MYLK3: variants seen among roughly 807,000 people sequenced by gnomAD.
The protein encoded by MYLK3 is MLC kinase.
Under a neutral mutation model 76.3 loss-of-function variants are expected in MYLK3, and 55 were observed. That is an observed-to-expected ratio of 0.72 (90% CI 0.58 to 0.90). The LOEUF (loss-of-function observed/expected upper bound fraction) is 0.90, where lower values mean the gene tolerates loss of function less well. Ranked by LOEUF, MYLK3 falls within the 40% of genes least tolerant of loss-of-function variation. MYLK3 has a pLI of 0.00. For missense variants in MYLK3, 973 were observed against 1,053.6 expected, an observed-to-expected ratio of 0.92 and a Z score of 1.06; for synonymous variants, 416 against 425.4, an observed-to-expected ratio of 0.98 and a Z score of 0.27.
rs374009844 is a variant in MYLK3 at position 46,730,660 on chromosome 16, C to G, written c.1501G>C (p.Val501Leu). The G allele has an allele frequency of 3.1e-6, 5 of 1,613,956 alleles. No homozygotes were observed. The highest frequency in any genetic ancestry group is 4.2e-6 in the Non-Finnish European group (5 of 1,180,038). ...ATGGAGGTCTCCTTGACGCTCACTA[C>G]CCGGTGTTCAAAAGGAGCTGGTGGG... is the stretch of plus-strand genomic sequence containing the variant. ...PAPPAPFEHR[V>L]VSVKETSISA... The change falls in exon 5 of 13, where the codon GTA (valine) becomes CTA (leucine). Residue 501 changes from valine (V) to leucine (L), a missense_variant. This residue lies in a region of MYLK3 where 332 missense variants were observed against 416.6 expected (regional missense o/e 0.80). Coordinates refer to ENST00000394809, the MANE Select transcript of MYLK3 (RefSeq NM_182493.3).
chr16:46,718,243 G>A (rs756006911), intron 9 of MYLK3, among the ~76,000 whole-genome samples: 15 of 152,322 alleles, frequency 9.8e-5, no homozygotes, highest in African/African-American at 2.9e-4. Flanking sequence ...TGTATACAAC[G>A]TGCAAGCATG....
intron 5 of MYLK3, 31 bp from the exon 6 acceptor site, chr16:46,729,718 G>A (rs1433604357): frequency 6.3e-7 from 1 of 1,597,344 alleles, no homozygotes; most frequent in East Asian, 2.2e-5. Flanking sequence ...GGCAGGCTGA[G>A]AGCCCAGAGG....
At chr16:46,736,835 G>A (rs899686383) in intron 3 of MYLK3, among the ~76,000 whole-genome samples, 2 of 152,170 alleles carry the variant, frequency 1.3e-5, no homozygotes, top group African/African-American at 2.4e-5. Context: ...GGGCCACAGC[G>A]CCCTTCAGCA....
chr16:46,714,137 A>G (rs894317453), intron 9 of MYLK3, among the ~76,000 whole-genome samples: 4 of 152,188 alleles, frequency 2.6e-5, no homozygotes, highest in African/African-American at 9.7e-5. Flanking sequence ...ACTCTTGAAG[A>G]AAAAGAGTCT....
intron 9 of MYLK3, 79 bp downstream of exon 9, chr16:46,721,044 G>C (rs1966793972): frequency 8.0e-7 from 1 of 1,255,518 alleles, no homozygotes; most frequent in African/African-American, 1.5e-5. Context: ...GCATTAGCTG[G>C]GTCAGGAGTA....
intron 9 of MYLK3, 76 bp from the exon 10 acceptor site, chr16:46,712,852 G>T: frequency 7.2e-7 from 1 of 1,390,372 alleles, no homozygotes; most frequent in Admixed American, 2.6e-5. Context: ...ATTTCTGGTG[G>T]GATGCAGACA....
At chr16:46,707,903 C>G in intron 12 of MYLK3, 140 bp from the exon 13 acceptor site, 1 of 525,998 alleles carries the variant, frequency 1.9e-6, no homozygotes, top group South Asian at 3.0e-5. Flanking sequence ...AAACAAGTTT[C>G]TAAAATAATT....
intron 6 of MYLK3, 43 bp downstream of exon 6, chr16:46,729,551 C>T: frequency 6.3e-7 from 1 of 1,576,082 alleles, no homozygotes; most frequent in South Asian, 1.1e-5. Context: ...GGAAAGGAAT[C>T]CTGAGGCTGG....
At chr16:46,729,527 G>A (rs1481808349) in intron 6 of MYLK3, 67 bp downstream of exon 6, 2 of 1,396,428 alleles carry the variant, frequency 1.4e-6, no homozygotes, top group Non-Finnish European at 1.0e-6. Context: ...GGGAGCCTGG[G>A]GGCCCTGAGG....
In MYLK3 at chr16:46,702,817, G is replaced by A. The variant is rs976455239; in HGVS notation, c.*4887C>T. Among the ~76,000 whole-genome samples the A allele has an allele frequency of 3.9e-5, 6 of 151,968 alleles. No individual in the cohort carries two copies. The highest frequency in any genetic ancestry group is 1.5e-4 in the African/African-American group (6 of 41,376). On this transcript the variant is annotated 3_prime_UTR_variant, in exon 13 of 13. Transcript: ENST00000394809. ...TGCCTGTAGTCCCAGCTACTTGGGA[G>A]GCTGAGGCAGGAGAAATCACTTGAA...
At chr16:46,707,899 G>T (rs1966642660) in intron 12 of MYLK3, 136 bp from the exon 13 acceptor site, 1 of 531,150 alleles carries the variant, frequency 1.9e-6, no homozygotes, top group Non-Finnish European at 3.3e-6. Flanking sequence ...AGGGAAACAA[G>T]TTTCTAAAAT....
chr16:46,721,241 C>CT, intron 8 of MYLK3, 48 bp from the exon 9 acceptor site: 1 of 1,562,454 alleles, frequency 6.4e-7, no homozygotes, highest in Non-Finnish European at 8.8e-7. Context: ...CTGAGGAGGT[C>CT]TGCAGCTGCC....
intron 7 of MYLK3, 94 bp from the exon 8 acceptor site, chr16:46,727,471 G>T: frequency 1.4e-6 from 2 of 1,398,824 alleles, no homozygotes; most frequent in Non-Finnish European, 1.9e-6. Flanking sequence ...GCCAGCCCGG[G>T]TAGGCCCACC....
intron 1 of MYLK3, among the ~76,000 whole-genome samples, chr16:46,747,482 C>G (rs1259177167): frequency 1.3e-5 from 2 of 152,234 alleles, no homozygotes; most frequent in Admixed American, 1.3e-4. Context: ...GCTGCCAAGA[C>G]CCTGCAGTCC....
intron 2 of MYLK3, among the ~76,000 whole-genome samples, chr16:46,739,131 G>T (rs777958828): frequency 6.6e-6 from 1 of 152,020 alleles, no homozygotes; most frequent in Non-Finnish European, 1.5e-5. Context: ...GTGAGCCACC[G>T]TGCCCGGCCT....
intron 8 of MYLK3, chr16:46,726,019 G>A (rs571293495): frequency 1.3e-5 from 2 of 152,212 alleles, no homozygotes; most frequent in South Asian, 2.1e-4. Context: ...GGTGAGAGAT[G>A]AGGATCCAGT....
chr16:46,748,039 C>T lies in MYLK3; in HGVS notation c.155G>A (p.Ser52Asn), dbSNP rs1967061247. The T allele has an allele frequency of 6.2e-7, 1 of 1,614,174 alleles. No homozygotes were observed. Among genetic ancestry groups the T allele is most frequent in the Non-Finnish European group, 8.5e-7 (1 of 1,180,042 alleles). ...FQEDVTEKLQSMCRDMGHLER... is the reference protein window; with the variant it reads ...FQEDVTEKLQNMCRDMGHLER... ...CAGGTGGCCCATGTCTCGGCACATG[C>T]TCTGCAACTTCTCTGTGACATCTTC... The change falls in exon 1 of 13, where the codon AGC becomes AAC. Residue 52 changes from serine (S) to asparagine (N), a missense_variant. Ser to Asn is a conservative substitution (Grantham distance 46). Transcript: ENST00000394809. The surrounding 1 kb of genome is among the most constrained non-coding windows in gnomAD (Gnocchi z 4.3).
chr16:46,751,217 C>A (rs1967120393), upstream of MYLK3, among the ~76,000 whole-genome samples: 1 of 151,858 alleles, frequency 6.6e-6, no homozygotes, highest in South Asian at 2.1e-4. Flanking sequence ...TTGAGACCAG[C>A]CTGGTCAACA....
In MYLK3 at chr16:46,706,230, T is replaced by C. The variant is rs999826487; in HGVS notation, c.*1474A>G. 6.6e-6 allele frequency: 1 copy of C among 151,608 alleles called. No individual in the cohort carries two copies. Among genetic ancestry groups the C allele is most frequent in the Admixed American group, 6.6e-5 (1 of 15,212 alleles). The allele number at this position is 151,608 out of a possible 1,614,324, so 9.4% of individuals were successfully genotyped here. ...AATATAAACAGTCAGTTAATACCCA[T>C]ACACACATATGTGTTCGTGTGTGTG... On this transcript the variant is annotated 3_prime_UTR_variant, in exon 13 of 13. Coordinates refer to ENST00000394809, the MANE Select transcript of MYLK3 (RefSeq NM_182493.3).
Sources: gnomAD v4.1 joint callset for allele counts (sites outside exome capture counted in the v4.1 genomes callset) on GRCh38, gnomAD v4.1.1 for gene constraint, gnomAD v4.1.1 regional missense constraint, Gnocchi (gnomAD v3.1) non-coding constraint, MANE v1.5 for transcripts, NCBI Gene and HGNC (gene_info 2026-07-23, HGNC 2026-07-21) for gene names.